The following CCNT2 variants were observed in gnomAD, a reference collection of about 807,000 sequenced individuals.
The protein encoded by CCNT2 is cyclin T2, also known as cyclin-T2.
In CCNT2, 18 loss-of-function variants were observed where a neutral mutation model predicts 70.0. That is an observed-to-expected ratio of 0.26 (90% confidence interval 0.18 to 0.38). The LOEUF (loss-of-function observed/expected upper bound fraction) is 0.38. CCNT2 is among the 10% of genes least tolerant of loss of function. The probability of loss-of-function intolerance (pLI) is 1.00; values close to 1 mark genes in which losing one functional copy is unlikely to be tolerated. For missense variants in CCNT2, 734 were observed against 890.2 expected, an observed-to-expected ratio of 0.82 and a Z score of 2.23; for synonymous variants, 334 against 313.3, an observed-to-expected ratio of 1.07 and a Z score of -0.70.
intron 2 of CCNT2, among the ~76,000 whole-genome samples, chr2:134,920,639 TAAAG>T (rs1053573135): frequency 4.8e-4 from 73 of 152,354 alleles, no homozygotes; most frequent in African/African-American, 1.7e-3. Flanking sequence ...TTGTGTGTGT[TAAAG>T]AAAATTGCAT....
intron 2 of CCNT2, among the ~76,000 whole-genome samples, chr2:134,924,407 G>A (rs1680128702): frequency 1.3e-5 from 2 of 152,116 alleles, no homozygotes; most frequent in Non-Finnish European, 2.9e-5. Flanking sequence ...GTCTCCACGT[G>A]CTCAACTCAG....
At chr2:134,933,281 TTATTAA>T (rs1181132716) in intron 2 of CCNT2, among the ~76,000 whole-genome samples, 1 of 152,230 alleles carries the variant, frequency 6.6e-6, no homozygotes, top group Non-Finnish European at 1.5e-5. Context: ...ACAGGATTAA[TTATTAA>T]TATTAAGAGA....
At chr2:134,951,983 T>G (rs1682539882) in intron 7 of CCNT2, among the ~76,000 whole-genome samples, 1 of 152,234 alleles carries the variant, frequency 6.6e-6, no homozygotes, top group Non-Finnish European at 1.5e-5. Context: ...ATGGTCATTT[T>G]ATACAGTGTT....
chr2:134,931,432 T>C (rs1179782841), intron 2 of CCNT2, among the ~76,000 whole-genome samples: 1 of 151,974 alleles, frequency 6.6e-6, no homozygotes, highest in Admixed American at 6.6e-5. Flanking sequence ...TCCATCCCCT[T>C]ATGCAGACCA....
At chr2:134,944,772 T>C in intron 5 of CCNT2, 1 of 985,426 alleles carries the variant, frequency 1.0e-6, no homozygotes, top group African/African-American at 1.7e-5. Flanking sequence ...TCTTTGCTCT[T>C]TTACAACTTT....
chr2:134,953,990 C>T lies in CCNT2; in HGVS notation c.1535C>T (p.Pro512Leu). 6.2e-7 allele frequency: 1 copy of T among 1,614,084 alleles called. No homozygotes were observed. The highest frequency in any genetic ancestry group is 8.5e-7 in the Non-Finnish European group (1 of 1,179,998). Residue 512 changes from proline (P) to leucine (L), a missense_variant, in exon 9 of 9, where the codon CCA becomes CTA. By Grantham distance (98) the Pro-to-Leu change is moderately conservative (BLOSUM62 -3). This residue lies in a region of CCNT2 where 532 missense variants were observed against 556.9 expected (regional missense o/e 0.96). Coordinates refer to ENST00000264157, the MANE Select transcript of CCNT2 (RefSeq NM_058241.3). Reference protein sequence around the residue: ...SGSLKLRIPIPPTDKSASKEE... With the variant: ...SGSLKLRIPILPTDKSASKEE... ...TCACTGAAATTACGGATTCCAATAC[C>T]ACCCACTGATAAAAGCGCCAGTAAA...
chr2:134,943,440 C>T (rs1434222412), intron 5 of CCNT2: 2 of 984,986 alleles, frequency 2.0e-6, no homozygotes, highest in African/African-American at 3.5e-5. Context: ...GTGTTTTGCC[C>T]ATATTCATTT....
At chr2:134,924,384 A>G (rs1271014643) in intron 2 of CCNT2, among the ~76,000 whole-genome samples, 2 of 152,220 alleles carry the variant, frequency 1.3e-5, no homozygotes, top group East Asian at 1.9e-4. Flanking sequence ...AACTTTGCCA[A>G]CTACCCCGGA....
intron 2 of CCNT2, among the ~76,000 whole-genome samples, chr2:134,921,436 C>T (rs1679897506): frequency 6.6e-6 from 1 of 152,148 alleles, no homozygotes; most frequent in Non-Finnish European, 1.5e-5. Flanking sequence ...TCACCACAAC[C>T]TCTGCCTCCC....
chr2:134,944,312 CT>C (rs2105067282), intron 5 of CCNT2: 1 of 980,776 alleles, frequency 1.0e-6, no homozygotes, highest in East Asian at 1.1e-4. Context: ...ATATAATTTG[CT>C]TTAAATTAAG....
chr2:134,929,049 T>C (rs984911029), intron 2 of CCNT2, among the ~76,000 whole-genome samples: 1 of 152,246 alleles, frequency 6.6e-6, no homozygotes, highest in Non-Finnish European at 1.5e-5. Context: ...AAAATTATTT[T>C]TGTTACCCAA....
chr2:134,922,192 A>C (rs1679963658), intron 2 of CCNT2, among the ~76,000 whole-genome samples: 1 of 152,222 alleles, frequency 6.6e-6, no homozygotes, highest in African/African-American at 2.4e-5. Flanking sequence ...AAAAGCGTGA[A>C]TCTTCACCAG....
chr2:134,939,252 TTGAA>T (rs550114873), intron 4 of CCNT2, among the ~76,000 whole-genome samples, 190 bp downstream of exon 4: 4 of 152,198 alleles, frequency 2.6e-5, no homozygotes, highest in Non-Finnish European at 5.9e-5. Flanking sequence ...CATAATTAAA[TTGAA>T]TGGTAAACGT....
intron 2 of CCNT2, among the ~76,000 whole-genome samples, chr2:134,922,680 G>A (rs1454179341): frequency 6.6e-6 from 1 of 152,184 alleles, no homozygotes; most frequent in East Asian, 1.9e-4. Context: ...GGAGCCAAAA[G>A]TGATGCCAAG....
At chr2:134,953,054 G>C (rs535035802) in intron 8 of CCNT2, 176 bp from the exon 9 acceptor site, 2 of 509,754 alleles carry the variant, frequency 3.9e-6, no homozygotes, top group East Asian at 6.2e-5. Flanking sequence ...ATTTTTTATA[G>C]CCTTTTATGC....
chr2:134,952,912 T>G (rs1308297915), intron 8 of CCNT2: 3 of 491,742 alleles, frequency 6.1e-6, no homozygotes, highest in African/African-American at 2.0e-5. Flanking sequence ...AAAAAATTTT[T>G]TGCAGTGATT....
chr2:134,945,836 C>A, intron 5 of CCNT2: 1 of 1,451,528 alleles, frequency 6.9e-7, no homozygotes, highest in African/African-American at 1.4e-5. Context: ...AACTTAGTAA[C>A]AAGTTTAGCC....
chr2:134,939,906 A>G (rs1038891183), intron 4 of CCNT2, among the ~76,000 whole-genome samples: 5 of 152,208 alleles, frequency 3.3e-5, no homozygotes, highest in Non-Finnish European at 2.9e-5. Flanking sequence ...TAAGAAAGTG[A>G]TGGCTTATCT....
At chr2:134,928,965 G>A (rs1235280233) in intron 2 of CCNT2, among the ~76,000 whole-genome samples, 1 of 152,114 alleles carries the variant, frequency 6.6e-6, no homozygotes, top group African/African-American at 2.4e-5. Flanking sequence ...CTCCATGATT[G>A]GGGTTTTGAA....
Sources: allele counts gnomAD v4.1 joint callset (sites outside exome capture counted in the v4.1 genomes callset), GRCh38; gene constraint gnomAD v4.1.1; regional missense constraint gnomAD v4.1.1; transcripts MANE v1.5; gene names NCBI Gene and HGNC (gene_info 2026-07-23, HGNC 2026-07-21).